CTNNA3: variants seen among roughly 807,000 people sequenced by gnomAD.
The protein encoded by CTNNA3 is catenin alpha-3.
In CTNNA3, 76 loss-of-function variants were observed where a neutral mutation model predicts 95.7. The observed-to-expected ratio is 0.79, with a 90% CI of 0.66 to 0.96. The LOEUF is 0.96. CTNNA3 is among the 40% of genes least tolerant of loss of function. The pLI is 0.00. For synonymous variants in CTNNA3, 431 were observed against 374.4 expected (o/e 1.15, Z -1.74); for missense variants, 1,191 against 1,089.8 (o/e 1.09, Z -1.31).
chr10:66,892,770 A>G (rs1281503403), intron 7 of CTNNA3, among the ~76,000 whole-genome samples: 1 of 152,170 alleles, frequency 6.6e-6, no homozygotes, highest in Non-Finnish European at 1.5e-5. Flanking sequence ...ATTGTGAAAT[A>G]TGATCAACTG....
chr10:66,082,628 G>A (rs2133650660), intron 14 of CTNNA3, among the ~76,000 whole-genome samples: 1 of 152,200 alleles, frequency 6.6e-6, no homozygotes, highest in African/African-American at 2.4e-5. Flanking sequence ...AATGAACCCT[G>A]GGTATGCAAG....
At chr10:66,418,236 C>T (rs12263409) in intron 11 of CTNNA3, among the ~76,000 whole-genome samples, 2,331 of 151,120 alleles carry the variant, frequency 0.015, 61 homozygotes, top group African/African-American at 0.055. Flanking sequence ...GAGACTATCA[C>T]GGAAAACTGT....
chr10:67,740,930 C>T (rs1382379511), intron 1 of CTNNA3, among the ~76,000 whole-genome samples: 1 of 151,018 alleles, frequency 6.6e-6, no homozygotes, highest in Admixed American at 6.6e-5. Flanking sequence ...CAATGATAGA[C>T]TGGATTAAGA....
intron 12 of CTNNA3, among the ~76,000 whole-genome samples, chr10:66,363,169 G>A (rs1015315959): frequency 1.3e-5 from 2 of 152,162 alleles, no homozygotes; most frequent in Admixed American, 6.5e-5. Flanking sequence ...CTTATCATTT[G>A]AATTGTTAAA....
intron 11 of CTNNA3, among the ~76,000 whole-genome samples, chr10:66,391,830 T>C (rs1210210066): frequency 2.6e-5 from 4 of 152,060 alleles, no homozygotes; most frequent in Non-Finnish European, 5.9e-5. Flanking sequence ...ACTCAGGCTT[T>C]CAAATTTATA....
At chr10:67,702,878 G>A (rs1841052329) in intron 1 of CTNNA3, among the ~76,000 whole-genome samples, 1 of 152,052 alleles carries the variant, frequency 6.6e-6, no homozygotes, top group South Asian at 2.1e-4. Flanking sequence ...TAGACCGCTA[G>A]CAAGACTAAG....
At chr10:66,756,295 T>G (rs1839359426) in intron 9 of CTNNA3, among the ~76,000 whole-genome samples, 1 of 152,160 alleles carries the variant, frequency 6.6e-6, no homozygotes, top group Non-Finnish European at 1.5e-5. Flanking sequence ...TAAGGATGTT[T>G]CACTTTTATA....
chr10:66,342,734 C>T (rs906191016), intron 12 of CTNNA3, among the ~76,000 whole-genome samples: 5 of 151,948 alleles, frequency 3.3e-5, no homozygotes, highest in Admixed American at 6.6e-5. Context: ...GAATGGACTA[C>T]TTTAGGTAAT....
chr10:67,611,238 A>C (rs927327409), intron 2 of CTNNA3, among the ~76,000 whole-genome samples: 1 of 152,178 alleles, frequency 6.6e-6, no homozygotes, highest in Non-Finnish European at 1.5e-5. Flanking sequence ...TAAATTGATA[A>C]GCTTAATGAA....
chr10:67,058,930 A>T (rs1384436797), intron 7 of CTNNA3, among the ~76,000 whole-genome samples: 1 of 152,194 alleles, frequency 6.6e-6, no homozygotes, highest in African/African-American at 2.4e-5. Flanking sequence ...GGACATTGTA[A>T]GCCATAAATC....
At chr10:66,298,449 A>G (rs895522544) in intron 12 of CTNNA3, among the ~76,000 whole-genome samples, 6 of 152,202 alleles carry the variant, frequency 3.9e-5, no homozygotes, top group African/African-American at 1.4e-4. Context: ...TATATGTAAT[A>G]TATACCATAT....
At chr10:66,385,130 C>CA (rs1228168960) in intron 11 of CTNNA3, among the ~76,000 whole-genome samples, 3 of 151,952 alleles carry the variant, frequency 2.0e-5, no homozygotes, top group Non-Finnish European at 2.9e-5. Flanking sequence ...AAAAACCCTT[C>CA]AAAAAATCAA....
intron 10 of CTNNA3, among the ~76,000 whole-genome samples, chr10:66,565,327 A>C (rs1842673176): frequency 6.6e-6 from 1 of 151,966 alleles, no homozygotes; most frequent in Non-Finnish European, 1.5e-5. Context: ...AGAGAGAAAT[A>C]AGTAAAATGT....
intron 10 of CTNNA3, among the ~76,000 whole-genome samples, chr10:66,601,519 C>T (rs1314665255): frequency 6.6e-6 from 1 of 151,828 alleles, no homozygotes; most frequent in Non-Finnish European, 1.5e-5. Context: ...GGAGCAATTA[C>T]CTTATAGCTT....
chr10:66,235,546 A>C (rs2089810060), intron 13 of CTNNA3, among the ~76,000 whole-genome samples: 1 of 151,940 alleles, frequency 6.6e-6, no homozygotes, highest in African/African-American at 2.4e-5. Flanking sequence ...TATATCTCAA[A>C]GCTACCTAAT....
chr10:67,670,482 T>C (rs932360055), intron 1 of CTNNA3, among the ~76,000 whole-genome samples: 2 of 152,214 alleles, frequency 1.3e-5, no homozygotes, highest in Non-Finnish European at 2.9e-5. Flanking sequence ...TATTAGGTCA[T>C]CAATTGTATT....
intron 5 of CTNNA3, among the ~76,000 whole-genome samples, chr10:67,355,297 C>A (rs1842770556): frequency 6.6e-6 from 1 of 151,978 alleles, no homozygotes; most frequent in Non-Finnish European, 1.5e-5. Context: ...ATGAGATAGG[C>A]AGAAGGAAGT....
chr10:67,252,929 C>G (rs1366928856), intron 5 of CTNNA3, among the ~76,000 whole-genome samples: 2 of 152,238 alleles, frequency 1.3e-5, no homozygotes, highest in Middle Eastern at 3.4e-3. Flanking sequence ...GTATGACAAC[C>G]AAACTAGAAT....
At chr10:67,524,599 C>T (rs1341057236) in intron 4 of CTNNA3, among the ~76,000 whole-genome samples, 2 of 152,006 alleles carry the variant, frequency 1.3e-5, no homozygotes. Flanking sequence ...ATTATATCCT[C>T]CATTTATTGA....
Sources: allele counts gnomAD v4.1 joint callset (sites outside exome capture counted in the v4.1 genomes callset), GRCh38; gene constraint gnomAD v4.1.1; transcripts MANE v1.5; gene names NCBI Gene and HGNC (gene_info 2026-07-23, HGNC 2026-07-21).